SPINK9: variants seen among roughly 807,000 people sequenced by gnomAD.
SPINK9 encodes the protein serine peptidase inhibitor Kazal type 9, also known as serine protease inhibitor Kazal-type 9.
Under a neutral mutation model 10.8 loss-of-function variants are expected in SPINK9, and 3 were observed. The observed-to-expected ratio is 0.28, with a 90% CI of 0.13 to 0.72. The LOEUF (loss-of-function observed/expected upper bound fraction) is 0.72, where lower values mean the gene tolerates loss of function less well. Among genes scored for constraint, SPINK9 ranks in the 30% least tolerant of loss-of-function variants. The pLI is 0.74. For missense variants in SPINK9, 101 were observed against 103.2 expected (o/e 0.98, Z 0.09); for synonymous variants, 30 against 31.2 (o/e 0.96, Z 0.12).
chr5:148,324,094 T>C (rs1222094058), intron 2 of SPINK9, among the ~76,000 whole-genome samples: 1 of 152,126 alleles, frequency 6.6e-6, no homozygotes, highest in Non-Finnish European at 1.5e-5. Flanking sequence ...CCTAAAAACA[T>C]AAATCACTTT....
At chr5:148,327,881 C>T (rs1757087601) in intron 2 of SPINK9, among the ~76,000 whole-genome samples, 1 of 152,134 alleles carries the variant, frequency 6.6e-6, no homozygotes, top group Non-Finnish European at 1.5e-5. Context: ...GTTTTTGTAC[C>T]AGTACCATGC....
intron 3 of SPINK9, among the ~76,000 whole-genome samples, chr5:148,338,843 T>G (rs1757251991): frequency 6.6e-6 from 1 of 152,096 alleles, no homozygotes; most frequent in African/African-American, 2.4e-5. Flanking sequence ...AAATATATGG[T>G]CATCTAGTTC....
upstream of SPINK9, among the ~76,000 whole-genome samples, chr5:148,334,593 C>G (rs899178357): frequency 6.6e-6 from 1 of 151,954 alleles, no homozygotes. Context: ...CTCCTGTAAT[C>G]CCAGCTACTT....
chr5:148,333,679 T>A (rs1433805080), upstream of SPINK9, among the ~76,000 whole-genome samples: 1 of 152,208 alleles, frequency 6.6e-6, no homozygotes, highest in Admixed American at 6.5e-5. Flanking sequence ...GAAGTCCTTA[T>A]GCTCTGGACC....
upstream of SPINK9, among the ~76,000 whole-genome samples, chr5:148,333,369 A>G (rs1051077138): frequency 6.6e-6 from 1 of 152,256 alleles, no homozygotes; most frequent in Non-Finnish European, 1.5e-5. Flanking sequence ...GGTGTTACAC[A>G]GCATCTTTTA....
chr5:148,329,341 T>C (rs370712906), intron 2 of SPINK9, among the ~76,000 whole-genome samples: 2 of 151,990 alleles, frequency 1.3e-5, no homozygotes, highest in East Asian at 1.9e-4. Context: ...TCTGTGGGAT[T>C]GGTGGTGATA....
intron 2 of SPINK9, among the ~76,000 whole-genome samples, chr5:148,325,087 C>G (rs2113410341): frequency 6.6e-6 from 1 of 152,100 alleles, no homozygotes; most frequent in South Asian, 2.1e-4. Context: ...CAAGGTTAAT[C>G]CATGTTGTGG....
chr5:148,335,584 A>G lies in SPINK9; in HGVS notation c.-30A>G, dbSNP rs373715747. 1.1e-4 allele frequency: 175 copies of G among 1,610,434 alleles called. 1 individual carries two copies. In the African/African-American group the frequency reaches 2.0e-3, roughly 18 times the overall value. ...GGACACCAGGTCACTTCTTTTCCCT[A>G]CATCTGACTGCCTTGGCCACTTCAG... is the stretch of plus-strand genomic sequence containing the variant. On this transcript the variant is annotated 5_prime_UTR_variant, in exon 1 of 4. Coordinates refer to ENST00000377906, the MANE Select transcript of SPINK9 (RefSeq NM_001040433.2).
intron 2 of SPINK9, among the ~76,000 whole-genome samples, chr5:148,337,702 A>G (rs1046364796): frequency 5.9e-5 from 9 of 152,264 alleles, no homozygotes; most frequent in South Asian, 4.1e-4. Context: ...CATATTTTTT[A>G]CTTCCACCCT....
At chr5:148,332,422 A>C (rs1757162882), upstream of SPINK9, among the ~76,000 whole-genome samples, 2 of 152,242 alleles carry the variant, frequency 1.3e-5, no homozygotes, top group Non-Finnish European at 2.9e-5. Context: ...ATTTAACCTG[A>C]GACTCATTTA....
At chr5:148,336,008 A>G (rs1561768730) in intron 1 of SPINK9, among the ~76,000 whole-genome samples, 1 of 152,184 alleles carries the variant, frequency 6.6e-6, no homozygotes, top group South Asian at 2.1e-4. Context: ...ACCATGGGCT[A>G]TTCTTCTATT....
upstream of SPINK9, among the ~76,000 whole-genome samples, chr5:148,334,946 C>G (rs1335603676): frequency 6.6e-6 from 1 of 152,122 alleles, no homozygotes; most frequent in Non-Finnish European, 1.5e-5. Flanking sequence ...GCAAGATTCC[C>G]AAAGTTTCAG....
upstream of SPINK9, among the ~76,000 whole-genome samples, chr5:148,334,000 T>C (rs1002421643): frequency 1.3e-5 from 2 of 151,982 alleles, no homozygotes; most frequent in African/African-American, 2.4e-5. Context: ...TCTAATATAA[T>C]AGAATTATTA....
chr5:148,325,705 T>G (rs570431712), intron 2 of SPINK9, among the ~76,000 whole-genome samples: 14 of 152,280 alleles, frequency 9.2e-5, no homozygotes, highest in Non-Finnish European at 2.1e-4. Context: ...TGAGCTGTCC[T>G]TTGAGGCACA....
chr5:148,328,357 C>T (rs1757097855), intron 2 of SPINK9, among the ~76,000 whole-genome samples: 1 of 152,088 alleles, frequency 6.6e-6, no homozygotes, highest in South Asian at 2.1e-4. Flanking sequence ...GATTTTGCAT[C>T]CTGAGACTTT....
intron 1 of SPINK9, among the ~76,000 whole-genome samples, chr5:148,323,111 G>A (rs931576747): frequency 1.3e-5 from 2 of 152,124 alleles, no homozygotes; most frequent in Non-Finnish European, 2.9e-5. Flanking sequence ...AAATATAAAA[G>A]TAAAAATAGA....
intron 2 of SPINK9, among the ~76,000 whole-genome samples, chr5:148,328,962 C>A (rs973087379): frequency 8.5e-5 from 13 of 152,102 alleles, no homozygotes; most frequent in African/African-American, 2.9e-4. Flanking sequence ...GTCTAAAATT[C>A]TCTTTTTTCG....
At chr5:148,323,857 A>C (rs1436297338) in exon 2 of SPINK9, 1 of 700,446 alleles carries the variant, frequency 1.4e-6, no homozygotes, top group Admixed American at 2.0e-5. Context: ...ACGCAACCTG[A>C]ACATTTACAA....
chr5:148,321,973 G>C (rs76637546), intron 1 of SPINK9, among the ~76,000 whole-genome samples: 2 of 152,170 alleles, frequency 1.3e-5, no homozygotes, highest in Non-Finnish European at 2.9e-5. Context: ...AGTTGTTTTA[G>C]ACTAGAACTT....
Sources: allele counts gnomAD v4.1 joint callset (sites outside exome capture counted in the v4.1 genomes callset), GRCh38; gene constraint gnomAD v4.1.1; transcripts MANE v1.5; gene names NCBI Gene and HGNC (gene_info 2026-07-23, HGNC 2026-07-21).